The following STAC variants were observed in gnomAD, a reference collection of about 807,000 sequenced individuals.
STAC encodes SH3 and cysteine-rich domain-containing protein.
A neutral mutation model predicts 48.8 loss-of-function variants in STAC; 43 were observed. The observed-to-expected ratio is 0.88, with a 90% CI of 0.69 to 1.14. The LOEUF (loss-of-function observed/expected upper bound fraction) is 1.14. STAC is among the 50% of genes most tolerant of loss of function. The probability of loss-of-function intolerance (pLI) is 0.00; values close to 1 mark genes in which losing one functional copy is unlikely to be tolerated. For missense variants in STAC, 497 were observed against 504.0 expected, an observed-to-expected ratio of 0.99 and a Z score of 0.13; for synonymous variants, 193 against 179.5, an observed-to-expected ratio of 1.07 and a Z score of -0.60.
chr3:36,391,324 T>G (rs776968793), intron 1 of STAC, among the ~76,000 whole-genome samples: 1 of 152,166 alleles, frequency 6.6e-6, no homozygotes, highest in Non-Finnish European at 1.5e-5. Context: ...CAGCATTCTG[T>G]TTTTCACCCG....
intron 2 of STAC, among the ~76,000 whole-genome samples, chr3:36,471,893 A>G (rs1054651062): frequency 2.5e-4 from 38 of 152,148 alleles, no homozygotes; most frequent in African/African-American, 8.7e-4. Context: ...TGGATCTACC[A>G]TTCTGGAGTC....
intron 8 of STAC, among the ~76,000 whole-genome samples, chr3:36,525,856 T>C (rs1018832342): frequency 6.6e-6 from 1 of 152,256 alleles, no homozygotes; most frequent in Non-Finnish European, 1.5e-5. Flanking sequence ...AAGCCTGTTA[T>C]ATTTGGAATC....
intron 6 of STAC, among the ~76,000 whole-genome samples, chr3:36,496,089 T>C (rs1179480222): frequency 6.6e-6 from 1 of 152,214 alleles, no homozygotes; most frequent in Non-Finnish European, 1.5e-5. Context: ...CAATTTTCCA[T>C]CTCTTCTGTG....
At chr3:36,448,851 G>C (rs1423886940) in intron 2 of STAC, among the ~76,000 whole-genome samples, 1 of 151,332 alleles carries the variant, frequency 6.6e-6, no homozygotes, top group African/African-American at 2.4e-5. Context: ...GGTAAGGTAA[G>C]AGGATAGCTT....
chr3:36,473,269 C>A (rs1480545250), intron 2 of STAC, among the ~76,000 whole-genome samples: 2 of 152,110 alleles, frequency 1.3e-5, no homozygotes, highest in Non-Finnish European at 2.9e-5. Context: ...CTGGGAGATA[C>A]AATTCAAGTT....
At chr3:36,439,412 T>C (rs56110436) in intron 1 of STAC, among the ~76,000 whole-genome samples, 2,022 of 152,286 alleles carry the variant, frequency 0.013, 21 homozygotes, top group African/African-American at 0.016. Flanking sequence ...GTGTCCTTCA[T>C]GACAGGGTGG....
chr3:36,433,222 G>A (rs757833226), intron 1 of STAC, among the ~76,000 whole-genome samples: 58 of 152,150 alleles, frequency 3.8e-4, no homozygotes, highest in East Asian at 7.7e-4. Flanking sequence ...CTCCCAGGAA[G>A]AACAAACCAA....
chr3:36,492,599 G>A (rs1459198494), intron 5 of STAC, among the ~76,000 whole-genome samples: 3 of 152,100 alleles, frequency 2.0e-5, no homozygotes, highest in Non-Finnish European at 2.9e-5. Flanking sequence ...TGTTGTTTTT[G>A]TTCTTGTTAT....
At chr3:36,519,700 T>G (rs1418865513) in intron 8 of STAC, among the ~76,000 whole-genome samples, 2 of 152,214 alleles carry the variant, frequency 1.3e-5, no homozygotes, top group Non-Finnish European at 2.9e-5. Context: ...TTTTTAAATT[T>G]AAGATAAAAA....
At chr3:36,416,637 C>T (rs1700326907) in intron 1 of STAC, among the ~76,000 whole-genome samples, 1 of 152,102 alleles carries the variant, frequency 6.6e-6, no homozygotes, top group Admixed American at 6.5e-5. Context: ...ATTGCTTATT[C>T]TTGCATCATG....
At chr3:36,438,180 G>A (rs921334087) in intron 1 of STAC, among the ~76,000 whole-genome samples, 2 of 152,026 alleles carry the variant, frequency 1.3e-5, no homozygotes, top group South Asian at 2.1e-4. Flanking sequence ...CAGGTGATCC[G>A]CCCACCTCCC....
At chr3:36,393,299 G>A (rs1271799161) in intron 1 of STAC, among the ~76,000 whole-genome samples, 1 of 151,952 alleles carries the variant, frequency 6.6e-6, no homozygotes, top group Non-Finnish European at 1.5e-5. Flanking sequence ...TTGCTCCTGT[G>A]TCCCTTTGTT....
intron 2 of STAC, among the ~76,000 whole-genome samples, chr3:36,452,379 G>T (rs1696708377): frequency 6.6e-6 from 1 of 152,058 alleles, no homozygotes; most frequent in Non-Finnish European, 1.5e-5. Flanking sequence ...TTGTCTAAAG[G>T]GGTAAAGGAG....
intron 2 of STAC, among the ~76,000 whole-genome samples, chr3:36,454,131 C>T (rs952927263): frequency 1.3e-5 from 2 of 152,198 alleles, no homozygotes; most frequent in Non-Finnish European, 2.9e-5. Context: ...CCCTAGCCAG[C>T]AGTAGCAACC....
At position 36,547,861 on chromosome 3, in the gene STAC, G is replaced by A. The variant is rs1699482902; in HGVS notation, c.*1572G>A. The A allele has an allele frequency of 6.6e-6, 1 of 152,168 alleles. No homozygotes were observed. The highest frequency in any genetic ancestry group is 2.1e-4 in the South Asian group (1 of 4,826). The allele number at this position is 152,168 out of a possible 1,614,324, so 9.4% of individuals were successfully genotyped here. A position where few individuals can be genotyped will look rare whatever the true frequency, so the allele number is the denominator to read the frequency against. On this transcript the variant is annotated 3_prime_UTR_variant, in exon 11 of 11. Transcript: ENST00000273183. ...ATGCCACATGCAAAACCAGGTGTAC[G>A]ATGTCAAGATGGATTCTTTGAGAGC...
chr3:36,433,524 A>G (rs989973165), intron 1 of STAC, among the ~76,000 whole-genome samples: 2 of 152,244 alleles, frequency 1.3e-5, no homozygotes, highest in Non-Finnish European at 2.9e-5. Context: ...TGTTTCTGAC[A>G]TATTAGAGTA....
At position 36,529,129 on chromosome 3, in the gene STAC, T is replaced by A. The variant is rs1031791601; in HGVS notation, c.1110+144T>A. On this transcript the variant is annotated intron_variant, in intron 10 of 10. Coordinates refer to ENST00000273183, the MANE Select transcript of STAC (RefSeq NM_003149.3). ...AAAAGATATACTTACTCCAATGATG[T>A]CAGTGTTGTAGGAGCTAAACATGCA... The A allele has an allele frequency of 3.3e-6, 3 of 901,696 alleles. No individual in the cohort carries two copies. The African/African-American group carries it at 5.0e-5, about 15-fold the overall frequency. 55.9% of individuals were successfully genotyped at this position (901,696 alleles called of 1,614,324 possible). A position where few individuals can be genotyped will look rare whatever the true frequency, so the allele number is the denominator to read the frequency against.
chr3:36,532,903 T>C (rs944698453), intron 10 of STAC, among the ~76,000 whole-genome samples: 6 of 152,152 alleles, frequency 3.9e-5, no homozygotes, highest in Non-Finnish European at 8.8e-5. Flanking sequence ...AGACACACTG[T>C]ATAAATAAAG....
chr3:36,415,167 A>G (rs1389869728), intron 1 of STAC, among the ~76,000 whole-genome samples: 1 of 152,162 alleles, frequency 6.6e-6, no homozygotes, highest in Non-Finnish European at 1.5e-5. Context: ...CAAGCTGCGT[A>G]CTGGGAGAAC....
Sources: allele counts gnomAD v4.1 joint callset (sites outside exome capture counted in the v4.1 genomes callset), GRCh38; gene constraint gnomAD v4.1.1; transcripts MANE v1.5; gene names NCBI Gene and HGNC (gene_info 2026-07-23, HGNC 2026-07-21).